The following DNAJC1 variants were observed in gnomAD, a reference collection of about 807,000 sequenced individuals.
DNAJC1 encodes DnaJ heat shock protein family (Hsp40) member C1.
Under a neutral mutation model 76.6 loss-of-function variants are expected in DNAJC1, and 58 were observed. That is an observed-to-expected ratio of 0.76 (90% CI 0.61 to 0.94). The LOEUF is 0.94. DNAJC1 is among the 40% of genes least tolerant of loss of function. The probability of loss-of-function intolerance (pLI) is 0.00; values close to 1 mark genes in which losing one functional copy is unlikely to be tolerated. For missense variants in DNAJC1, 689 were observed against 677.3 expected, an observed-to-expected ratio of 1.02 and a Z score of -0.19; for synonymous variants, 258 against 267.9, an observed-to-expected ratio of 0.96 and a Z score of 0.36.
intron 8 of DNAJC1, among the ~76,000 whole-genome samples, chr10:21,843,494 A>C (rs1835604907): frequency 6.6e-6 from 1 of 150,788 alleles, no homozygotes; most frequent in Non-Finnish European, 1.5e-5. Context: ...ACTGGGTTCA[A>C]GTGATTATCC....
intron 8 of DNAJC1, among the ~76,000 whole-genome samples, chr10:21,815,626 G>C (rs1436660885): frequency 6.6e-6 from 1 of 152,096 alleles, no homozygotes; most frequent in Non-Finnish European, 1.5e-5. Context: ...CTTTTGAAGA[G>C]CAGAAGCTTT....
intron 9 of DNAJC1, among the ~76,000 whole-genome samples, chr10:21,774,464 T>C (rs1397201005): frequency 4.6e-5 from 7 of 152,208 alleles, no homozygotes; most frequent in African/African-American, 1.7e-4. Context: ...TTTCATCTTA[T>C]ATGAAAAACT....
chr10:21,795,970 C>CTTT (rs528288634), intron 9 of DNAJC1, among the ~76,000 whole-genome samples: 2 of 132,888 alleles, frequency 1.5e-5, no homozygotes, highest in Non-Finnish European at 3.3e-5. Context: ...GGGATTTCCG[C>CTTT]TTTTTTTTTT....
intron 1 of DNAJC1, among the ~76,000 whole-genome samples, chr10:21,963,313 G>T (rs1431940017): frequency 6.6e-6 from 1 of 152,170 alleles, no homozygotes; most frequent in African/African-American, 2.4e-5. Context: ...GCTGCTAAGC[G>T]TTAACACTGT....
intron 6 of DNAJC1, among the ~76,000 whole-genome samples, chr10:21,916,232 G>A (rs12244996): frequency 0.014 from 2,091 of 152,210 alleles, 52 homozygotes; most frequent in African/African-American, 0.047. Flanking sequence ...AGTGGCTCAC[G>A]CCTATAATCT....
chr10:21,974,716 A>C (rs1458433101), intron 1 of DNAJC1, among the ~76,000 whole-genome samples: 1 of 152,212 alleles, frequency 6.6e-6, no homozygotes, highest in African/African-American at 2.4e-5. Context: ...AATATATACA[A>C]GACAACATTT....
chr10:21,811,791 G>A (rs1399954099), intron 8 of DNAJC1, among the ~76,000 whole-genome samples: 1 of 152,040 alleles, frequency 6.6e-6, no homozygotes, highest in Non-Finnish European at 1.5e-5. Flanking sequence ...CTCTCTCAGT[G>A]GTCATGTTTT....
At chr10:21,764,302 G>C (rs1049881881) in intron 10 of DNAJC1, among the ~76,000 whole-genome samples, 1 of 152,208 alleles carries the variant, frequency 6.6e-6, no homozygotes, top group Non-Finnish European at 1.5e-5. Flanking sequence ...ATGCACATAT[G>C]TGCATCAGAA....
chr10:21,778,427 T>C (rs1021498280), intron 9 of DNAJC1, among the ~76,000 whole-genome samples: 2 of 152,236 alleles, frequency 1.3e-5, no homozygotes, highest in Non-Finnish European at 2.9e-5. Flanking sequence ...ACTAATGAAA[T>C]ATCCCAAATA....
intron 8 of DNAJC1, among the ~76,000 whole-genome samples, chr10:21,813,437 G>T (rs1284266340): frequency 2.0e-5 from 3 of 150,378 alleles, no homozygotes. Flanking sequence ...CGCCCAGGCT[G>T]GAGTGTGGAG....
At chr10:21,855,487 T>C (rs770166610) in intron 8 of DNAJC1, among the ~76,000 whole-genome samples, 19 of 152,176 alleles carry the variant, frequency 1.2e-4, no homozygotes, top group Admixed American at 8.5e-4. Context: ...AAAATAAAAC[T>C]GTTTTAGACA....
chr10:21,880,918 G>A (rs1253292711), intron 8 of DNAJC1, among the ~76,000 whole-genome samples: 3 of 152,214 alleles, frequency 2.0e-5, no homozygotes, highest in Non-Finnish European at 1.5e-5. Context: ...TTTTCCAGCA[G>A]AAGGCTGTTT....
intron 8 of DNAJC1, among the ~76,000 whole-genome samples, chr10:21,866,271 T>C (rs1356383597): frequency 6.6e-6 from 1 of 151,738 alleles, no homozygotes; most frequent in Non-Finnish European, 1.5e-5. Flanking sequence ...AAAATTTGAA[T>C]ACTGTCACAC....
At chr10:21,935,695 T>C (rs1025030509) in intron 1 of DNAJC1, among the ~76,000 whole-genome samples, 1 of 151,904 alleles carries the variant, frequency 6.6e-6, no homozygotes, top group African/African-American at 2.4e-5. Context: ...AGAATCAAAA[T>C]GTTAAAAGAA....
At chr10:21,903,808 T>G (rs1443019918) in intron 7 of DNAJC1, among the ~76,000 whole-genome samples, 1 of 151,852 alleles carries the variant, frequency 6.6e-6, no homozygotes, top group Non-Finnish European at 1.5e-5. Context: ...TACATTCTAC[T>G]GGGGGTGGGG....
intron 8 of DNAJC1, among the ~76,000 whole-genome samples, chr10:21,837,078 T>A (rs568093859): frequency 6.6e-6 from 1 of 152,246 alleles, no homozygotes; most frequent in East Asian, 1.9e-4. Flanking sequence ...GCCTGACTGG[T>A]ATTCGTATTT....
intron 9 of DNAJC1, among the ~76,000 whole-genome samples, chr10:21,784,858 C>G (rs930998642): frequency 2.0e-5 from 3 of 151,560 alleles, no homozygotes; most frequent in African/African-American, 7.3e-5. Flanking sequence ...AATGAGAACA[C>G]TTGGACACAG....
At chr10:21,851,984 C>T (rs1290102141) in intron 8 of DNAJC1, among the ~76,000 whole-genome samples, 8 of 151,522 alleles carry the variant, frequency 5.3e-5, no homozygotes, top group African/African-American at 1.9e-4. Flanking sequence ...ACCCGGGAGG[C>T]GGAGCTTGCA....
intron 8 of DNAJC1, among the ~76,000 whole-genome samples, chr10:21,832,547 A>G (rs1443698851): frequency 2.0e-5 from 3 of 152,136 alleles, no homozygotes; most frequent in Admixed American, 6.5e-5. Flanking sequence ...GTCTCTTCCA[A>G]TCACCAAGTA....
Sources: allele counts gnomAD v4.1 joint callset (sites outside exome capture counted in the v4.1 genomes callset), GRCh38; gene constraint gnomAD v4.1.1; transcripts MANE v1.5; gene names NCBI Gene and HGNC (gene_info 2026-07-23, HGNC 2026-07-21).